IGF2BP1: variants seen among roughly 807,000 people sequenced by gnomAD.
The protein encoded by IGF2BP1 is insulin-like growth factor 2 mRNA-binding protein 1.
In IGF2BP1, 11 loss-of-function variants were observed where a neutral mutation model predicts 74.9. The observed-to-expected ratio is 0.15, with a 90% CI of 0.09 to 0.24. IGF2BP1 has a LOEUF of 0.24. Ranked by LOEUF, IGF2BP1 falls within the 10% of genes least tolerant of loss-of-function variation. IGF2BP1 has a pLI of 1.00. For synonymous variants in IGF2BP1, 287 were observed against 281.8 expected, an observed-to-expected ratio of 1.02 and a Z score of -0.18; for missense variants, 440 against 757.4, an observed-to-expected ratio of 0.58 and a Z score of 4.92.
chr17:49,019,940 A>ATT (rs1419022596), intron 2 of IGF2BP1, among the ~76,000 whole-genome samples: 1 of 49,896 alleles, frequency 2.0e-5, no homozygotes, highest in Non-Finnish European at 4.0e-5. Flanking sequence ...ATATATATAT[A>ATT]TATATATATT....
chr17:48,999,075 G>T, intron 1 of IGF2BP1, 34 bp from the exon 2 acceptor site: 3 of 1,304,952 alleles, frequency 2.3e-6, no homozygotes, highest in Non-Finnish European at 3.3e-6. Flanking sequence ...CCCTGTTCAA[G>T]CTCTCATGGT....
At position 49,054,491 on chromosome 17, in the gene IGF2BP1, A is replaced by G. The variant is rs1040171607; in HGVS notation, c.*5047A>G. 4 of 152,454 alleles carry G rather than the reference A, an allele frequency of 2.6e-5. No individual in the cohort carries two copies. Among genetic ancestry groups the G allele is most frequent in the African/African-American group, 9.7e-5 (4 of 41,402 alleles). The allele number at this position is 152,454 out of a possible 1,614,324, so 9.4% of individuals were successfully genotyped here. A position where few individuals can be genotyped will look rare whatever the true frequency, so the allele number is the denominator to read the frequency against. On this transcript the variant is annotated 3_prime_UTR_variant, in exon 15 of 15. Coordinates refer to ENST00000290341, the MANE Select transcript of IGF2BP1 (RefSeq NM_006546.4). ...AAAGGTTTGTCCTTGGGGAACAGGC[A>G]GGCCTGCCAGGATCCCCCCCATATC...
At chr17:49,014,488 T>G (rs1346232278) in intron 2 of IGF2BP1, among the ~76,000 whole-genome samples, 9 of 151,788 alleles carry the variant, frequency 5.9e-5, no homozygotes, top group Non-Finnish European at 1.3e-4. Flanking sequence ...GACAGGATCC[T>G]TGGTGGTAGA....
rs532715541 is a variant in IGF2BP1 at position 49,030,665 on chromosome 17, G to T, written c.338-1245G>T. On this transcript the variant is annotated intron_variant, in intron 4 of 14. Transcript: ENST00000290341. ...TTTTGAGACAGAGTCTCGCTCTGTCGCCCAGGCTGGAGTGTAGTGGCACGA... is the reference window on the plus strand; with the variant it reads ...TTTTGAGACAGAGTCTCGCTCTGTCTCCCAGGCTGGAGTGTAGTGGCACGA... Among the ~76,000 whole-genome samples the T allele has an allele frequency of 6.0e-5, 9 of 149,740 alleles. No homozygotes were observed. The South Asian group carries it at 1.3e-3, about 21-fold the overall frequency.
At position 48,997,721 on chromosome 17, in the gene IGF2BP1, C is replaced by T; in HGVS notation, c.-25C>T. On this transcript the variant is annotated 5_prime_UTR_variant, in exon 1 of 15. Coordinates refer to ENST00000290341, the MANE Select transcript of IGF2BP1 (RefSeq NM_006546.4). The surrounding 1 kb of genome is among the most constrained non-coding windows in gnomAD (Gnocchi z 4.8). ...CCGCTCGTTCGGCCTTGCCCGGGAC[C>T]GCGTCCTGCCCCGAGACCGCCACCA... The T allele has an allele frequency of 1.2e-6, 2 of 1,606,540 alleles. No individual in the cohort carries two copies. The highest frequency in any genetic ancestry group is 8.5e-7 in the Non-Finnish European group (1 of 1,175,626).
chr17:49,011,857 A>G (rs1218725604), intron 2 of IGF2BP1, among the ~76,000 whole-genome samples: 3 of 148,916 alleles, frequency 2.0e-5, no homozygotes, highest in Non-Finnish European at 4.4e-5. Flanking sequence ...GTATTTTCCT[A>G]TCGCCGTTGA....
At chr17:49,002,596 A>G (rs2041499862) in intron 2 of IGF2BP1, among the ~76,000 whole-genome samples, 1 of 152,126 alleles carries the variant, frequency 6.6e-6, no homozygotes, top group South Asian at 2.1e-4. Flanking sequence ...TTTAACTCAT[A>G]CGAGGTAAAA....
chr17:49,008,401 CCT>C (rs1183833991), intron 2 of IGF2BP1, among the ~76,000 whole-genome samples: 1 of 152,106 alleles, frequency 6.6e-6, no homozygotes, highest in East Asian at 1.9e-4. Flanking sequence ...GGGTTTTCTT[CCT>C]CTCTATATTT....
intron 2 of IGF2BP1, among the ~76,000 whole-genome samples, chr17:49,018,512 G>A (rs537385548): frequency 6.6e-6 from 1 of 152,252 alleles, no homozygotes; most frequent in Non-Finnish European, 1.5e-5. Context: ...GTGTTAGGTG[G>A]GGATGGGGGT....
intron 4 of IGF2BP1, among the ~76,000 whole-genome samples, chr17:49,027,720 C>G (rs1267864425): frequency 6.6e-6 from 1 of 151,610 alleles, no homozygotes; most frequent in South Asian, 2.1e-4. Context: ...GGCGTGGTGG[C>G]GGGCACCTGT....
intron 2 of IGF2BP1, among the ~76,000 whole-genome samples, chr17:49,002,902 T>C (rs2041503668): frequency 6.6e-6 from 1 of 152,166 alleles, no homozygotes; most frequent in Non-Finnish European, 1.5e-5. Context: ...GGGTGGTCAG[T>C]ATTTCAAGAT....
At chr17:49,014,918 C>T (rs2041675814) in intron 2 of IGF2BP1, 1 of 985,184 alleles carries the variant, frequency 1.0e-6, no homozygotes, top group Non-Finnish European at 1.2e-6. Context: ...CTCGGCTGTT[C>T]CCTCTGGAGG....
chr17:49,005,439 TG>T (rs2041539934), intron 2 of IGF2BP1, among the ~76,000 whole-genome samples: 1 of 152,112 alleles, frequency 6.6e-6, no homozygotes, highest in Non-Finnish European at 1.5e-5. Context: ...AAGTTTTGAG[TG>T]GATTGTGCAG....
intron 7 of IGF2BP1, among the ~76,000 whole-genome samples, chr17:49,041,118 G>A (rs2042047542): frequency 6.6e-6 from 1 of 152,232 alleles, no homozygotes; most frequent in Admixed American, 6.5e-5. Flanking sequence ...GGTCAAGGCT[G>A]TGGTGAGCCT....
At chr17:49,009,853 G>T (rs1234058087) in intron 2 of IGF2BP1, among the ~76,000 whole-genome samples, 2 of 152,076 alleles carry the variant, frequency 1.3e-5, no homozygotes, top group African/African-American at 4.8e-5. Flanking sequence ...GCCGAGGTGG[G>T]TGGATCACCT....
intron 2 of IGF2BP1, among the ~76,000 whole-genome samples, chr17:49,001,457 G>GTTGTT (rs887684864): frequency 5.3e-5 from 8 of 152,126 alleles, no homozygotes; most frequent in Middle Eastern, 3.4e-3. Context: ...AATGTTCCTG[G>GTTGTT]TTGTTTTGTT....
rs1038563154 is a variant in IGF2BP1 at position 48,997,466 on chromosome 17, G to A, written c.-280G>A. On this transcript the variant is annotated 5_prime_UTR_variant, in exon 1 of 15. Coordinates refer to ENST00000290341, the MANE Select transcript of IGF2BP1 (RefSeq NM_006546.4). This position sits in a 1 kb window ranked among gnomAD's most constrained non-coding sequence, Gnocchi z 4.8. ...AGAAACGTGACACACCAGCCCTCTC[G>A]GAGGGGTTTCGGACCGAAGGGAAGA... 3.4e-6 allele frequency: 1 copy of A among 292,680 alleles called. No homozygotes were observed. The allele number at this position is 292,680 out of a possible 1,614,324, so 18.1% of individuals were successfully genotyped here.
At chr17:49,011,385 T>A (rs1286406777) in intron 2 of IGF2BP1, among the ~76,000 whole-genome samples, 1 of 152,144 alleles carries the variant, frequency 6.6e-6, no homozygotes, top group Non-Finnish European at 1.5e-5. Flanking sequence ...TCTACAATTA[T>A]AGGAGCATTT....
chr17:49,044,410 C>T (rs2042087421), intron 11 of IGF2BP1, among the ~76,000 whole-genome samples: 1 of 152,158 alleles, frequency 6.6e-6, no homozygotes, highest in Admixed American at 6.5e-5. Flanking sequence ...TGATCTGAGC[C>T]TCACTTTCCT....
Sources: allele counts gnomAD v4.1 joint callset (sites outside exome capture counted in the v4.1 genomes callset), GRCh38; gene constraint gnomAD v4.1.1; non-coding constraint Gnocchi (gnomAD v3.1); transcripts MANE v1.5; gene names NCBI Gene and HGNC (gene_info 2026-07-23, HGNC 2026-07-21).